Variants in MPRIP observed in about 807,000 individuals in gnomAD.
MPRIP encodes the protein myosin phosphatase Rho-interacting protein.
Under a neutral mutation model 234.9 loss-of-function variants are expected in MPRIP, and 59 were observed. That is an observed-to-expected ratio of 0.25 (90% CI 0.20 to 0.31). The LOEUF (loss-of-function observed/expected upper bound fraction) is 0.31. Among genes scored for constraint, MPRIP ranks in the 10% least tolerant of loss-of-function variants. The pLI is 1.00. For missense variants in MPRIP, 2,436 were observed against 3,071.0 expected, an observed-to-expected ratio of 0.79 and a Z score of 4.89; for synonymous variants, 1,144 against 1,263.9, an observed-to-expected ratio of 0.91 and a Z score of 2.01.
At chr17:17,064,879 G>A (rs1406908597) in intron 1 of MPRIP, among the ~76,000 whole-genome samples, 3 of 152,180 alleles carry the variant, frequency 2.0e-5, no homozygotes, top group African/African-American at 4.8e-5. Flanking sequence ...ATCCAGGAGT[G>A]CAGTTCCTAG....
intron 3 of MPRIP, among the ~76,000 whole-genome samples, chr17:17,124,632 C>T (rs545693671): frequency 6.6e-6 from 1 of 152,194 alleles, no homozygotes; most frequent in Non-Finnish European, 1.5e-5. Flanking sequence ...GCCACTTTAC[C>T]ATTTCATGTC....
At chr17:17,147,490 C>CAGAAG in intron 11 of MPRIP, 103 bp downstream of exon 11, 11 of 1,094,528 alleles carry the variant, frequency 1.0e-5, no homozygotes, top group Non-Finnish European at 1.5e-5. Context: ...GTCCCCACTT[C>CAGAAG]TGAGGACAGC....
At chr17:17,115,032 G>T (rs1043727449) in intron 3 of MPRIP, among the ~76,000 whole-genome samples, 3 of 152,276 alleles carry the variant, frequency 2.0e-5, no homozygotes, top group Admixed American at 2.0e-4. Flanking sequence ...TGTAGCAGAA[G>T]GCCCAGCCCA....
At chr17:17,060,811 CTGTT>C (rs1236913535) in intron 1 of MPRIP, among the ~76,000 whole-genome samples, 2 of 152,230 alleles carry the variant, frequency 1.3e-5, no homozygotes, top group East Asian at 3.8e-4. Context: ...CAGTGGCTGG[CTGTT>C]TGTGGAAGCC....
In MPRIP at chr17:17,126,818, T is replaced by C; in HGVS notation, c.384T>C (p.His128=). ...GTATTCTGACGCCTGAGAAGGAGCA[T>C]TTCATCCGGGCGGAGACCAAGGAGA... The part of the protein sequence containing the change: ...SLCILTPEKE[H]FIRAETKEIV... The change falls in exon 4 of 24, where the codon CAT becomes CAC. Residue 128 remains histidine, a synonymous_variant. Coordinates refer to ENST00000651222, the MANE Select transcript of MPRIP (RefSeq NM_001364716.4). The C allele has an allele frequency of 1.9e-6, 3 of 1,614,152 alleles. No individual in the cohort carries two copies. Among genetic ancestry groups the C allele is most frequent in the Non-Finnish European group, 2.5e-6 (3 of 1,180,000 alleles).
At chr17:17,181,506 G>C (rs772820192) in intron 23 of MPRIP, 5 of 152,204 alleles carry the variant, frequency 3.3e-5, no homozygotes, top group Non-Finnish European at 7.3e-5. Flanking sequence ...ACAGTTCTAA[G>C]TCCCCTATAC....
chr17:17,060,551 A>G (rs576810417), intron 1 of MPRIP, among the ~76,000 whole-genome samples: 1 of 152,238 alleles, frequency 6.6e-6, no homozygotes, highest in South Asian at 2.1e-4. Context: ...TTCCTGGGGT[A>G]TAAAATGGAG....
At chr17:17,115,764 C>T (rs992955225) in intron 3 of MPRIP, among the ~76,000 whole-genome samples, 1 of 151,786 alleles carries the variant, frequency 6.6e-6, no homozygotes, top group Non-Finnish European at 1.5e-5. Flanking sequence ...CATCATCTCA[C>T]AACTTTACCA....
intron 1 of MPRIP, among the ~76,000 whole-genome samples, chr17:17,053,226 G>A (rs1263949281): frequency 6.6e-6 from 1 of 152,086 alleles, no homozygotes; most frequent in East Asian, 1.9e-4. Context: ...TGGAATGGTG[G>A]CGAGCCCAGA....
Position 17,136,247 on chromosome 17 carries a change from CCAGCAGCAGCAGCAGCAGCAG to C in MPRIP, c.548_568del (p.Ser183_Ser189del), listed in dbSNP as rs3833098. On this transcript the variant is annotated inframe_deletion, in exon 6 of 24. Coordinates refer to ENST00000651222, the MANE Select transcript of MPRIP (RefSeq NM_001364716.4). ...CCTGGGCCTGCCAAGGTGGCTGTTA[CCAGCAGCAGCAGCAGCAGCAG>C]CAGCAGCAGCAGCATCCCCAGTGCT... is the stretch of plus-strand genomic sequence containing the variant. 9.6e-6 allele frequency: 15 copies of C among 1,555,914 alleles called. No homozygotes were observed. In the East Asian group the frequency reaches 1.2e-4, roughly 12 times the overall value.
chr17:17,133,505 C>T (rs991169152), intron 5 of MPRIP, among the ~76,000 whole-genome samples: 1 of 152,214 alleles, frequency 6.6e-6, no homozygotes, highest in African/African-American at 2.4e-5. Flanking sequence ...GTAAACCTCA[C>T]ACCTTCAGAG....
At chr17:17,170,181 C>T (rs1455960343) in intron 16 of MPRIP, 2 of 143,042 alleles carry the variant, frequency 1.4e-5, no homozygotes, top group Non-Finnish European at 1.5e-5. Context: ...TGAAGTATTC[C>T]ATATATATAT....
At chr17:17,123,867 C>G (rs1010685074) in intron 3 of MPRIP, among the ~76,000 whole-genome samples, 1 of 151,976 alleles carries the variant, frequency 6.6e-6, no homozygotes, top group African/African-American at 2.4e-5. Flanking sequence ...ACGTATTTAC[C>G]CCCATTTGCT....
chr17:17,113,109 G>T (rs1439136559), intron 3 of MPRIP, among the ~76,000 whole-genome samples: 1 of 152,172 alleles, frequency 6.6e-6, no homozygotes, highest in Non-Finnish European at 1.5e-5. Context: ...ACTTGAGGCT[G>T]CCCTTGCAGA....
chr17:17,180,548 C>A, intron 23 of MPRIP: 1 of 1,494,924 alleles, frequency 6.7e-7, no homozygotes, highest in Non-Finnish European at 9.3e-7. Flanking sequence ...GAGGTGGGAG[C>A]GGCACCGCGT....
At position 17,166,144 on chromosome 17, in the gene MPRIP, C is replaced by CG. The variant is rs2045990230; in HGVS notation, c.4553_4554insG (p.Leu1519ProfsTer37). 8.8e-5 allele frequency: 115 copies of CG among 1,301,960 alleles called. No individual in the cohort carries two copies. Among genetic ancestry groups the CG allele is most frequent in the Non-Finnish European group, 1.1e-4 (113 of 987,718 alleles). The allele number at this position is 1,301,960 out of a possible 1,614,324, so 80.7% of individuals were successfully genotyped here. On this transcript the variant is annotated frameshift_variant, in exon 16 of 24. Coordinates refer to ENST00000651222, the MANE Select transcript of MPRIP (RefSeq NM_001364716.4). LOFTEE classifies it high-confidence loss of function. The surrounding 1 kb of genome is among the most constrained non-coding windows in gnomAD (Gnocchi z 4.4). ...AGTGCACTCGTCAGCGCCATCCAAG[C>CG]CCTGCAGCACTGGCCGGCCCCAGCC...
Position 17,042,819 on chromosome 17 carries a change from G to C in MPRIP, c.-30G>C. The C allele has an allele frequency of 7.2e-7, 1 of 1,390,996 alleles. No homozygotes were observed. Among genetic ancestry groups the C allele is most frequent in the Non-Finnish European group, 9.5e-7 (1 of 1,053,256 alleles). 86.2% of individuals were successfully genotyped at this position (1,390,996 alleles called of 1,614,324 possible). A position where few individuals can be genotyped will look rare whatever the true frequency, so the allele number is the denominator to read the frequency against. ...CCAGGCCGGCCAGGCCTGCGCCGCCGCCGCCGCCGCCGTCGCCGCCGCGCC... is the reference window on the plus strand; with the variant it reads ...CCAGGCCGGCCAGGCCTGCGCCGCCCCCGCCGCCGCCGTCGCCGCCGCGCC... On this transcript the variant is annotated 5_prime_UTR_variant, in exon 1 of 24. Coordinates refer to ENST00000651222, the MANE Select transcript of MPRIP (RefSeq NM_001364716.4).
chr17:17,114,655 A>C (rs1385705095), intron 3 of MPRIP, among the ~76,000 whole-genome samples: 2 of 152,062 alleles, frequency 1.3e-5, no homozygotes, highest in African/African-American at 4.8e-5. Context: ...GGGGGATGAA[A>C]AGCTGTTCTT....
At chr17:17,181,952 A>T (rs979035549) in intron 23 of MPRIP, 2 of 152,236 alleles carry the variant, frequency 1.3e-5, no homozygotes, top group African/African-American at 4.8e-5. Context: ...CCTCCTCCTT[A>T]TGTGTTTTTA....
Sources: allele counts gnomAD v4.1 joint callset (sites outside exome capture counted in the v4.1 genomes callset), GRCh38; gene constraint gnomAD v4.1.1; non-coding constraint Gnocchi (gnomAD v3.1); transcripts MANE v1.5; gene names NCBI Gene and HGNC (gene_info 2026-07-23, HGNC 2026-07-21).